Variants in AIG1 observed in about 807,000 individuals in gnomAD.
AIG1 encodes androgen-induced gene 1 protein.
In AIG1, 23 loss-of-function variants were observed where a neutral mutation model predicts 31.4. That is an observed-to-expected ratio of 0.73 (90% CI 0.53 to 1.04). The LOEUF is 1.04. Ranked by LOEUF, AIG1 falls within the 50% of genes least tolerant of loss-of-function variation. AIG1 has a pLI of 0.00. For synonymous variants in AIG1, 100 were observed against 110.5 expected (o/e 0.90, Z 0.60); for missense variants, 274 against 295.0 (o/e 0.93, Z 0.52).
chr6:143,071,335 G>T (rs753234501), intron 1 of AIG1, among the ~76,000 whole-genome samples: 1 of 152,180 alleles, frequency 6.6e-6, no homozygotes, highest in Non-Finnish European at 1.5e-5. Flanking sequence ...CCATTTATCC[G>T]TTAAGGGATA....
intron 3 of AIG1, among the ~76,000 whole-genome samples, chr6:143,201,063 T>C (rs957559699): frequency 6.6e-6 from 1 of 152,164 alleles, no homozygotes; most frequent in Non-Finnish European, 1.5e-5. Context: ...CTCAAGACAG[T>C]AAAGTAAATC....
chr6:143,170,551 G>A (rs1335287640), intron 3 of AIG1, among the ~76,000 whole-genome samples: 1 of 149,528 alleles, frequency 6.7e-6, no homozygotes. Context: ...CTACCTAATG[G>A]TATGTCAGTT....
At chr6:143,183,155 G>A (rs1386397995) in intron 3 of AIG1, among the ~76,000 whole-genome samples, 2 of 150,402 alleles carry the variant, frequency 1.3e-5, no homozygotes, top group African/African-American at 2.4e-5. Flanking sequence ...TTTTATCTGG[G>A]TATTAGTTAT....
At chr6:143,162,537 A>T (rs1036645016) in intron 2 of AIG1, among the ~76,000 whole-genome samples, 1 of 152,194 alleles carries the variant, frequency 6.6e-6, no homozygotes, top group Non-Finnish European at 1.5e-5. Context: ...AGTGTGTACA[A>T]TCCCCTTCTG....
chr6:143,327,407 T>G lies in AIG1; in HGVS notation c.516-5875T>G, dbSNP rs577956439. On this transcript the variant is annotated intron_variant, in intron 4 of 5. Coordinates refer to ENST00000357847, the MANE Select transcript of AIG1 (RefSeq NM_016108.4). The surrounding 1 kb of genome is among the most constrained non-coding windows in gnomAD (Gnocchi z 5.3). ...AGTGGGCTTCAAGAAGTCTGCCCCT[T>G]GGGCACTCAAAGAGATCTGGAAATT... The G allele has an allele frequency of 2.0e-5, 7 of 343,092 alleles. No individual in the cohort carries two copies. Among genetic ancestry groups the G allele is most frequent in the South Asian group, 1.7e-4 (6 of 35,826 alleles). 21.3% of individuals were successfully genotyped at this position (343,092 alleles called of 1,614,324 possible). A position where few individuals can be genotyped will look rare whatever the true frequency, so the allele number is the denominator to read the frequency against.
At chr6:143,177,547 T>A (rs1392774125) in intron 3 of AIG1, among the ~76,000 whole-genome samples, 5 of 152,240 alleles carry the variant, frequency 3.3e-5, no homozygotes, top group Non-Finnish European at 2.9e-5. Context: ...ATGTAGTCTC[T>A]GATTTCTTCA....
In AIG1 at chr6:143,279,036, T is replaced by C. The variant is rs1052477285; in HGVS notation, c.400-5074T>C. On this transcript the variant is annotated intron_variant, in intron 3 of 5. Transcript: ENST00000357847. This position sits in a 1 kb window ranked among gnomAD's most constrained non-coding sequence, Gnocchi z 5.4. ...AAGTAGCATGAACGGGGCCACAGTA[T>C]GGCTTTTGTAGATTTTAAGCACTTT... Among the ~76,000 whole-genome samples, 15 of 152,170 alleles carry C rather than the reference T, an allele frequency of 9.9e-5. No homozygotes were observed. The highest frequency in any genetic ancestry group is 1.6e-4 in the Non-Finnish European group (11 of 68,022).
chr6:143,151,999 C>T (rs1171123571), intron 2 of AIG1, among the ~76,000 whole-genome samples: 1 of 152,188 alleles, frequency 6.6e-6, no homozygotes, highest in Non-Finnish European at 1.5e-5. Flanking sequence ...CTTTAATGCC[C>T]ATACACCTAC....
rs1221107240 is a variant in AIG1 at position 143,174,835 on chromosome 6, A to G, written c.399+9652A>G. ...TGTTATTATTGAGATATGAGCTATT[A>G]TGCTATTCATCATGCTATTTGTTGC... is the stretch of plus-strand genomic sequence containing the variant. On this transcript the variant is annotated intron_variant, in intron 3 of 5. Coordinates refer to ENST00000357847, the MANE Select transcript of AIG1 (RefSeq NM_016108.4). Among the ~76,000 whole-genome samples, 5 of 152,210 alleles carry G rather than the reference A, an allele frequency of 3.3e-5. No homozygotes were observed. The South Asian group carries it at 8.3e-4, about 25-fold the overall frequency.
intron 4 of AIG1, among the ~76,000 whole-genome samples, chr6:143,303,239 A>T (rs1482869656): frequency 2.0e-5 from 3 of 151,140 alleles, no homozygotes; most frequent in African/African-American, 7.3e-5. Flanking sequence ...ATTAGATCCC[A>T]TTTGTCAATT....
At position 143,064,103 on chromosome 6, in the gene AIG1, C is replaced by A. The variant is rs1026444916; in HGVS notation, c.141+3037C>A. On this transcript the variant is annotated intron_variant, in intron 1 of 5. Coordinates refer to ENST00000357847, the MANE Select transcript of AIG1 (RefSeq NM_016108.4). ...TGTGGTAGGCAGAATAATGGGCCTC[C>A]AAAGATGTTTACATTCTCATGCCAG... 6.6e-5 allele frequency among the ~76,000 whole-genome samples: 10 copies of A among 152,186 alleles called. No homozygotes were observed. The South Asian group carries it at 8.3e-4, about 13-fold the overall frequency.
At chr6:143,343,414 T>C, downstream of AIG1, 1 of 515,608 alleles carries the variant, frequency 1.9e-6, no homozygotes, top group South Asian at 1.6e-5. Context: ...GGTGCACCTG[T>C]CTTGTCCTGC....
intron 3 of AIG1, among the ~76,000 whole-genome samples, chr6:143,201,755 A>G (rs1790715177): frequency 6.6e-6 from 1 of 152,100 alleles, no homozygotes; most frequent in Non-Finnish European, 1.5e-5. Flanking sequence ...TTCCTATCCT[A>G]CTAGGTCTTG....
At chr6:143,101,781 CA>C (rs1326870172) in intron 1 of AIG1, among the ~76,000 whole-genome samples, 10 of 152,194 alleles carry the variant, frequency 6.6e-5, no homozygotes, top group Admixed American at 1.3e-4. Flanking sequence ...AACGAAATGC[CA>C]CCTGTTCCCC....
At chr6:143,162,065 CTACATGAA>C (rs1176716673) in intron 2 of AIG1, among the ~76,000 whole-genome samples, 2 of 152,202 alleles carry the variant, frequency 1.3e-5, no homozygotes, top group African/African-American at 4.8e-5. Context: ...ACTAGAACTA[CTACATGAA>C]TTTAGCAAAG....
At chr6:143,121,187 C>T (rs1782209383) in intron 1 of AIG1, among the ~76,000 whole-genome samples, 1 of 152,196 alleles carries the variant, frequency 6.6e-6, no homozygotes. Context: ...CCTGATTTCC[C>T]ATTCCACACC....
At chr6:143,124,154 CCTT>C (rs1782468247) in intron 1 of AIG1, among the ~76,000 whole-genome samples, 1 of 152,224 alleles carries the variant, frequency 6.6e-6, no homozygotes, top group African/African-American at 2.4e-5. Flanking sequence ...CCCTTCAACA[CCTT>C]CTGTTCCTTA....
At chr6:143,125,775 T>C (rs1782638195) in intron 1 of AIG1, among the ~76,000 whole-genome samples, 1 of 152,342 alleles carries the variant, frequency 6.6e-6, no homozygotes, top group South Asian at 2.1e-4. Flanking sequence ...TTATGTGATA[T>C]TGTAATGAAT....
chr6:143,251,314 A>G (rs111794320), intron 3 of AIG1, among the ~76,000 whole-genome samples: 9,883 of 152,004 alleles, frequency 0.065, 731 homozygotes, highest in East Asian at 0.33. Context: ...AGCCTCCCAA[A>G]GTGCTGGGAT....
Sources: gnomAD v4.1 joint callset for allele counts (sites outside exome capture counted in the v4.1 genomes callset) on GRCh38, gnomAD v4.1.1 for gene constraint, Gnocchi (gnomAD v3.1) non-coding constraint, MANE v1.5 for transcripts, NCBI Gene and HGNC (gene_info 2026-07-23, HGNC 2026-07-21) for gene names.